Variants in ANKMY1 observed in about 807,000 individuals in gnomAD.
The protein encoded by ANKMY1 is ankyrin repeat and MYND domain-containing protein 1.
ANKMY1 carries 98 observed loss-of-function variants against 102.0 expected under a neutral mutation model. The observed-to-expected ratio is 0.96, with a 90% CI of 0.82 to 1.14. The LOEUF is 1.14. ANKMY1 is among the 50% of genes most tolerant of loss of function. ANKMY1 has a pLI of 0.00. For missense variants in ANKMY1, 1,330 were observed against 1,347.6 expected, an observed-to-expected ratio of 0.99 and a Z score of 0.20; for synonymous variants, 582 against 559.9, an observed-to-expected ratio of 1.04 and a Z score of -0.56.
At chr2:240,539,743 T>C (rs928402655) in intron 4 of ANKMY1, among the ~76,000 whole-genome samples, 13 of 152,204 alleles carry the variant, frequency 8.5e-5, no homozygotes, top group Non-Finnish European at 1.6e-4. Context: ...GATGCCAGAC[T>C]CAAAAGGCTG....
chr2:240,488,072 G>T (rs971801235), intron 15 of ANKMY1, among the ~76,000 whole-genome samples: 1 of 151,982 alleles, frequency 6.6e-6, no homozygotes, highest in Admixed American at 6.6e-5. Flanking sequence ...AGGAGAATTT[G>T]CCCTAAATTT....
chr2:240,555,999 C>A (rs957782814), intron 2 of ANKMY1, among the ~76,000 whole-genome samples: 1 of 152,232 alleles, frequency 6.6e-6, no homozygotes, highest in Non-Finnish European at 1.5e-5. Context: ...GTGCCAGCAG[C>A]GTCCCTGCCT....
chr2:240,521,424 G>A (rs1450332849), intron 8 of ANKMY1, among the ~76,000 whole-genome samples: 1 of 149,748 alleles, frequency 6.7e-6, no homozygotes, highest in Non-Finnish European at 1.5e-5. Context: ...CAGGATCTAT[G>A]CCTTTCTGGT....
rs1018039180 is a variant in ANKMY1 at position 240,499,808 on chromosome 2, C to T, written c.2806+150G>A. 33 of 1,028,000 alleles carry T rather than the reference C, an allele frequency of 3.2e-5. No homozygotes were observed. The highest frequency in any genetic ancestry group is 3.2e-5 in the Non-Finnish European group (23 of 730,098). 63.7% of individuals were successfully genotyped at this position (1,028,000 alleles called of 1,614,324 possible). A position where few individuals can be genotyped will look rare whatever the true frequency, so the allele number is the denominator to read the frequency against. ...TCTCCTGGACGAGCTCCTTGGACGA[C>T]GGGACACAAAGGGGACAAGCCGACG... is the stretch of plus-strand genomic sequence containing the variant. On this transcript the variant is annotated intron_variant, in intron 15 of 17. Transcript: ENST00000401804. The surrounding 1 kb of genome is among the most constrained non-coding windows in gnomAD (Gnocchi z 4.2).
chr2:240,508,436 C>T (rs1050183017), intron 12 of ANKMY1, among the ~76,000 whole-genome samples: 6 of 152,266 alleles, frequency 3.9e-5, no homozygotes, highest in African/African-American at 9.6e-5. Context: ...CCCCATTCTA[C>T]GTCAGCTTTC....
chr2:240,489,983 A>G (rs1452869511), intron 15 of ANKMY1, among the ~76,000 whole-genome samples: 1 of 152,076 alleles, frequency 6.6e-6, no homozygotes, highest in African/African-American at 2.4e-5. Context: ...TCCCCATTCA[A>G]TCTTGGTAGA....
chr2:240,480,880 C>T (rs1048739398), intron 17 of ANKMY1, 57 bp downstream of exon 17: 306 of 1,567,912 alleles, frequency 2.0e-4, no homozygotes, highest in Non-Finnish European at 2.4e-4. Context: ...CCCAGGCCTG[C>T]GCCTTCGCCC....
chr2:240,542,725 TA>T (rs1393920849), intron 4 of ANKMY1, among the ~76,000 whole-genome samples: 10 of 147,524 alleles, frequency 6.8e-5, no homozygotes, highest in Non-Finnish European at 1.5e-4. Context: ...TATATCTATA[TA>T]TATATATATA....
At chr2:240,560,831 C>T, upstream of ANKMY1, 1 of 1,414,884 alleles carries the variant, frequency 7.1e-7, no homozygotes, top group Non-Finnish European at 9.1e-7. Flanking sequence ...CGCTGTGCGT[C>T]AACGTCTCCC....
chr2:240,544,540 G>A (rs1415031511), intron 4 of ANKMY1, among the ~76,000 whole-genome samples: 5 of 152,208 alleles, frequency 3.3e-5, no homozygotes, highest in Non-Finnish European at 5.9e-5. Flanking sequence ...CTGGTCTACA[G>A]CTCCGAGCAT....
chr2:240,544,166 T>A (rs184632970), intron 4 of ANKMY1, among the ~76,000 whole-genome samples: 250 of 152,220 alleles, frequency 1.6e-3, no homozygotes, highest in African/African-American at 5.7e-3. Context: ...TATGAAGATA[T>A]ATATTTGTTA....
At chr2:240,525,610 G>T in intron 7 of ANKMY1, 75 bp downstream of exon 7, 1 of 1,514,100 alleles carries the variant, frequency 6.6e-7, no homozygotes, top group Non-Finnish European at 9.0e-7. Context: ...GAGGGAGGAG[G>T]CTTGGTGGAC....
At chr2:240,557,135 C>T in intron 2 of ANKMY1, 55 bp downstream of exon 2, 6 of 1,394,648 alleles carry the variant, frequency 4.3e-6, no homozygotes, top group Non-Finnish European at 5.6e-6. Flanking sequence ...AGAATCCCGG[C>T]TAACCCTGGG....
the ANKMY1 span, among the ~76,000 whole-genome samples, chr2:240,474,331 T>C: frequency 6.9e-6 from 1 of 144,840 alleles, no homozygotes; most frequent in Non-Finnish European, 1.5e-5. Context: ...ATGGTCTAAA[T>C]CTCCTGACCT....
upstream of ANKMY1, chr2:240,560,465 C>G: frequency 1.5e-6 from 1 of 657,630 alleles, no homozygotes; most frequent in Middle Eastern, 4.8e-4. Flanking sequence ...TGGTGAGGCC[C>G]AAACCTCCCG....
At chr2:240,515,737 A>G (rs1207626752) in intron 9 of ANKMY1, among the ~76,000 whole-genome samples, 1 of 151,706 alleles carries the variant, frequency 6.6e-6, no homozygotes, top group Non-Finnish European at 1.5e-5. Context: ...TTTTTTTTTG[A>G]GACTTAGTCT....
chr2:240,503,471 G>A (rs755005433), intron 13 of ANKMY1, among the ~76,000 whole-genome samples: 17 of 152,192 alleles, frequency 1.1e-4, no homozygotes, highest in Non-Finnish European at 2.2e-4. Flanking sequence ...CCCATGCCTG[G>A]TGCTGCAGCC....
chr2:240,550,220 G>C (rs2125052872), intron 4 of ANKMY1, among the ~76,000 whole-genome samples: 1 of 151,766 alleles, frequency 6.6e-6, no homozygotes, highest in East Asian at 1.9e-4. Flanking sequence ...GTAGGGACAT[G>C]GATGAAATTG....
chr2:240,541,281 A>C (rs1318887574), intron 4 of ANKMY1, among the ~76,000 whole-genome samples: 1 of 152,190 alleles, frequency 6.6e-6, no homozygotes, highest in African/African-American at 2.4e-5. Context: ...GAAGAGAGGA[A>C]GCACTCCAAC....
Sources: gnomAD v4.1 joint callset for allele counts (sites outside exome capture counted in the v4.1 genomes callset) on GRCh38, gnomAD v4.1.1 for gene constraint, Gnocchi (gnomAD v3.1) non-coding constraint, MANE v1.5 for transcripts, NCBI Gene and HGNC (gene_info 2026-07-23, HGNC 2026-07-21) for gene names.